The following CNKSR2 variants were observed in gnomAD, a reference collection of about 807,000 sequenced individuals.
CNKSR2 encodes CNK homolog protein 2.
Under a neutral mutation model 84.4 loss-of-function variants are expected in CNKSR2, and 14 were observed. That is an observed-to-expected ratio of 0.17 (90% CI 0.11 to 0.26). CNKSR2 has a LOEUF of 0.26. Ranked by LOEUF, CNKSR2 falls within the 10% of genes least tolerant of loss-of-function variation. CNKSR2 has a pLI of 1.00. For missense variants in CNKSR2, 485 were observed against 771.2 expected, an observed-to-expected ratio of 0.63 and a Z score of 4.40; for synonymous variants, 275 against 277.9, an observed-to-expected ratio of 0.99 and a Z score of 0.10.
At chrX:21,525,979 C>T (rs183281872) in intron 9 of CNKSR2, among the ~76,000 whole-genome samples, 26 of 110,912 alleles carry the variant, frequency 2.3e-4, no homozygotes, top group African/African-American at 8.5e-4. Context: ...TTTAGTTTCA[C>T]TTCAGGATAA....
At chrX:21,392,240 A>G (rs943221780) in intron 1 of CNKSR2, among the ~76,000 whole-genome samples, 1 of 111,822 alleles carries the variant, frequency 8.9e-6, no homozygotes, top group Non-Finnish European at 1.9e-5. Flanking sequence ...CCAAGTTCCA[A>G]AACTGCATCC....
At chrX:21,556,162 C>T (rs777067059) in intron 11 of CNKSR2, among the ~76,000 whole-genome samples, 1 of 110,512 alleles carries the variant, frequency 9.0e-6, no homozygotes, top group East Asian at 2.9e-4. Context: ...CAGCTTGGAT[C>T]CTTTTTGGTC....
chrX:21,447,680 A>G (rs980076360), intron 4 of CNKSR2, among the ~76,000 whole-genome samples: 2 of 111,993 alleles, frequency 1.8e-5, no homozygotes, highest in African/African-American at 6.5e-5. Flanking sequence ...TTCATTTAAG[A>G]AAAGATTTGC....
chrX:21,641,211 G>C (rs1769271401), intron 20 of CNKSR2, among the ~76,000 whole-genome samples: 1 of 112,053 alleles, frequency 8.9e-6, no homozygotes, highest in Admixed American at 9.5e-5. Flanking sequence ...AAACTATTCT[G>C]ATTAAAATTA....
chrX:21,474,302 G>A (rs963609427), intron 5 of CNKSR2, among the ~76,000 whole-genome samples: 3 of 111,354 alleles, frequency 2.7e-5, no homozygotes, highest in Admixed American at 9.6e-5. Flanking sequence ...AACAAGGCTC[G>A]AATGCAGATA....
chrX:21,537,330 A>G (rs945641542), intron 11 of CNKSR2, among the ~76,000 whole-genome samples: 10 of 111,719 alleles, frequency 9.0e-5, no homozygotes, highest in Non-Finnish European at 1.3e-4. Flanking sequence ...AGAAGAATGT[A>G]TACTCTGCAG....
At chrX:21,556,407 G>A (rs1397990103) in intron 11 of CNKSR2, among the ~76,000 whole-genome samples, 1 of 111,222 alleles carries the variant, frequency 9.0e-6, no homozygotes. Context: ...ACTTTGAGAG[G>A]AAATGAGACA....
intron 20 of CNKSR2, among the ~76,000 whole-genome samples, chrX:21,623,210 A>G (rs780636936): frequency 8.9e-6 from 1 of 111,784 alleles, no homozygotes; most frequent in South Asian, 3.8e-4. Flanking sequence ...CCCAGTTTAC[A>G]TTCTTTATAA....
chrX:21,640,250 G>T (rs1202781236), intron 20 of CNKSR2, among the ~76,000 whole-genome samples: 1 of 111,636 alleles, frequency 9.0e-6, no homozygotes, highest in Non-Finnish European at 1.9e-5. Flanking sequence ...ACTACAAAAT[G>T]TTTGAATTGC....
At position 21,618,135 on chromosome X, in the gene CNKSR2, T is replaced by C. The variant is rs751120373; in HGVS notation, c.2692+8518T>C. Among the ~76,000 whole-genome samples the C allele has an allele frequency of 5.4e-5, 6 of 111,066 alleles. No homozygotes were observed. The South Asian group carries it at 1.9e-3, about 36-fold the overall frequency. On this transcript the variant is annotated intron_variant, in intron 20 of 21. Coordinates refer to ENST00000379510, the MANE Select transcript of CNKSR2 (RefSeq NM_014927.5). Reference sequence around the variant, plus strand: ...CAGAAAGCAGAACTTGGATATGGGCTTCATAGCCACTGAGTCTGGTGACCA... The same window carrying C: ...CAGAAAGCAGAACTTGGATATGGGCCTCATAGCCACTGAGTCTGGTGACCA...
chrX:21,466,938 A>ATAAC (rs1378459433), intron 4 of CNKSR2, among the ~76,000 whole-genome samples: 1 of 111,702 alleles, frequency 9.0e-6, no homozygotes, highest in African/African-American at 3.3e-5. Context: ...CTGGGTTTCA[A>ATAAC]TAACTAGCAA....
chrX:21,461,136 A>T (rs2091056026), intron 4 of CNKSR2, among the ~76,000 whole-genome samples: 1 of 112,341 alleles, frequency 8.9e-6, no homozygotes, highest in Admixed American at 9.4e-5. Context: ...TTGTACTAAT[A>T]TACATTCCCA....
intron 3 of CNKSR2, among the ~76,000 whole-genome samples, chrX:21,433,900 TAATG>T (rs1214848742): frequency 9.0e-6 from 1 of 111,062 alleles, no homozygotes; most frequent in African/African-American, 3.3e-5. Flanking sequence ...GATAATTAAT[TAATG>T]GACTACATGT....
intron 5 of CNKSR2, among the ~76,000 whole-genome samples, chrX:21,475,027 A>G (rs2091245710): frequency 8.9e-6 from 1 of 112,157 alleles, no homozygotes. Flanking sequence ...AAGTAGTACT[A>G]AAATATCCAT....
intron 14 of CNKSR2, 80 bp from the exon 15 acceptor site, chrX:21,590,942 A>G (rs2092416795): frequency 1.2e-6 from 1 of 859,161 alleles, no homozygotes; most frequent in East Asian, 3.2e-5. Context: ...TCAAGAACTC[A>G]TACTTCTTTT....
rs550870981 is a variant in CNKSR2, at chrX:21,507,210, C to G, written c.810+5622C>G. ...CTTTTTAGTTTATTTAGCCCTAGGA[C>G]TCAAGGATAGGTTTCATCCACTAAA... On this transcript the variant is annotated intron_variant, in intron 8 of 21. Coordinates refer to ENST00000379510, the MANE Select transcript of CNKSR2 (RefSeq NM_014927.5). Among the ~76,000 whole-genome samples, 50 of 110,914 alleles carry G rather than the reference C, an allele frequency of 4.5e-4. 1 individual carries two copies. The South Asian group carries it at 0.016, about 36-fold the overall frequency.
chrX:21,593,296 A>T (rs1176297844), intron 15 of CNKSR2: 1 of 112,151 alleles, frequency 8.9e-6, no homozygotes, highest in Non-Finnish European at 1.9e-5. Flanking sequence ...AATACTGAAA[A>T]AGTTTAATAC....
chrX:21,404,410 A>G (rs2090234403), intron 1 of CNKSR2, among the ~76,000 whole-genome samples: 1 of 111,338 alleles, frequency 9.0e-6, no homozygotes, highest in South Asian at 3.8e-4. Context: ...CCTATATTAT[A>G]TAAATCTTTT....
intron 4 of CNKSR2, among the ~76,000 whole-genome samples, chrX:21,468,995 CTTTT>C (rs1330111332): frequency 8.0e-5 from 9 of 111,824 alleles, no homozygotes; most frequent in Non-Finnish European, 1.7e-4. Context: ...TTTAACAGTT[CTTTT>C]TGTTGGATCA....
Sources: allele counts gnomAD v4.1 joint callset (sites outside exome capture counted in the v4.1 genomes callset), GRCh38; gene constraint gnomAD v4.1.1; transcripts MANE v1.5; gene names NCBI Gene and HGNC (gene_info 2026-07-23, HGNC 2026-07-21).